The following STOX2 variants were observed in gnomAD, a reference collection of about 807,000 sequenced individuals.
STOX2 encodes storkhead-box protein 2.
STOX2 carries 28 observed loss-of-function variants against 60.9 expected under a neutral mutation model. The observed-to-expected ratio is 0.46, with a 90% CI of 0.34 to 0.63. STOX2 has a LOEUF of 0.63. Ranked by LOEUF, STOX2 falls within the 30% of genes least tolerant of loss-of-function variation. The pLI is 0.01. For synonymous variants in STOX2, 472 were observed against 463.9 expected (o/e 1.02, Z -0.22); for missense variants, 1,024 against 1,187.7 (o/e 0.86, Z 2.03).
chr4:183,809,261 GT>G (rs11308974), intron 1 of STOX2, among the ~76,000 whole-genome samples: 43,410 of 151,676 alleles, frequency 0.29, 7,375 homozygotes, highest in African/African-American at 0.48. Flanking sequence ...TTAAAATAAA[GT>G]TTTTTTTAGT....
chr4:183,877,790 C>T (rs750302290), intron 1 of STOX2, among the ~76,000 whole-genome samples: 4 of 152,158 alleles, frequency 2.6e-5, no homozygotes, highest in Admixed American at 6.5e-5. Flanking sequence ...AAGTGATTCT[C>T]GTGCCTCAGC....
chr4:183,936,439 A>C (rs1310959567), intron 1 of STOX2, among the ~76,000 whole-genome samples: 1 of 149,316 alleles, frequency 6.7e-6, no homozygotes, highest in African/African-American at 2.5e-5. Context: ...TCCGCAGTGG[A>C]TCATGAGTTT....
intron 1 of STOX2, among the ~76,000 whole-genome samples, chr4:183,839,017 G>A (rs750249062): frequency 2.5e-4 from 37 of 145,516 alleles, no homozygotes; most frequent in East Asian, 9.7e-4. Context: ...ACGTGCACGC[G>A]CGCGCGCACA....
rs373680695 is a variant in STOX2, at chr4:183,802,699, G to A, written c.364+4644G>A. On this transcript the variant is annotated intron_variant, in intron 1 of 2. Transcript: ENST00000513034. ...CGGCTCATTGCAAGCTCCGCCTCCC[G>A]GGTTCACGCCATTCTCCTGCCTCAG... Among the ~76,000 whole-genome samples, 176 of 151,846 alleles carry A rather than the reference G, an allele frequency of 1.2e-3. 1 individual carries two copies. Among genetic ancestry groups the A allele is most frequent in the African/African-American group, 4.2e-3 (173 of 41,388 alleles).
intron 1 of STOX2, among the ~76,000 whole-genome samples, chr4:183,934,591 T>C (rs1742535163): frequency 6.6e-6 from 1 of 152,202 alleles, no homozygotes; most frequent in Non-Finnish European, 1.5e-5. Flanking sequence ...AAAACAAATA[T>C]CCAGAATCTT....
At chr4:183,951,431 A>AGTCTCTCT (rs1377854321) in intron 1 of STOX2, among the ~76,000 whole-genome samples, 2 of 140,634 alleles carry the variant, frequency 1.4e-5, no homozygotes. Flanking sequence ...AGAGGACGAC[A>AGTCTCTCT]GTCTCTCTCT....
rs74557713 is a variant in STOX2, at chr4:183,948,864, C to G, written c.166+41908C>G. On this transcript the variant is annotated intron_variant, in intron 1 of 3. Transcript: ENST00000308497. ...TCTTAAAATCGCAATAATGAGACCT[C>G]ACTTACCAGGTTGCTATTATGATTA... Among the ~76,000 whole-genome samples the G allele has an allele frequency of 7.5e-3, 1,138 of 152,170 alleles. 13 individuals are homozygous for G. Among genetic ancestry groups the G allele is most frequent in the African/African-American group, 0.026 (1,069 of 41,534 alleles).
chr4:183,901,855 T>C (rs1741468692), upstream of STOX2, among the ~76,000 whole-genome samples: 1 of 152,188 alleles, frequency 6.6e-6, no homozygotes, highest in African/African-American at 2.4e-5. Flanking sequence ...AGATATATGC[T>C]TTATAAATAT....
intron 1 of STOX2, among the ~76,000 whole-genome samples, chr4:184,000,907 C>T (rs1579529777): frequency 6.6e-6 from 1 of 152,224 alleles, no homozygotes; most frequent in Admixed American, 6.5e-5. Flanking sequence ...CCCGTTCCCC[C>T]AGCAGACACG....
At chr4:183,997,233 T>C (rs1299700036) in intron 1 of STOX2, among the ~76,000 whole-genome samples, 1 of 152,098 alleles carries the variant, frequency 6.6e-6, no homozygotes, top group Non-Finnish European at 1.5e-5. Flanking sequence ...AATTGAGACC[T>C]AAAGCATGAA....
intron 1 of STOX2, among the ~76,000 whole-genome samples, chr4:183,807,199 C>T (rs546630437): frequency 4.4e-4 from 67 of 152,304 alleles, no homozygotes; most frequent in Non-Finnish European, 5.6e-4. Flanking sequence ...GTCTCGATCT[C>T]CTGACCTCGT....
chr4:183,822,367 T>C (rs1739321564), intron 1 of STOX2, among the ~76,000 whole-genome samples: 1 of 152,232 alleles, frequency 6.6e-6, no homozygotes, highest in Non-Finnish European at 1.5e-5. Flanking sequence ...TTGGGATGAC[T>C]CAAGCGCATG....
Position 184,001,513 on chromosome 4 carries a change from G to T in STOX2, c.319+36G>T, listed in dbSNP as rs762726073. On this transcript the variant is annotated intron_variant, in intron 2 of 3. Coordinates refer to ENST00000308497, the MANE Select transcript of STOX2 (RefSeq NM_020225.3). This position sits in a 1 kb window ranked among gnomAD's most constrained non-coding sequence, Gnocchi z 4.2. The stretch of plus-strand genomic sequence containing the variant: ...GGGAACGTAGCACTTTCCAGGTGGC[G>T]GTGTGCTGTGGTCGCTCTAGGACTC... The T allele has an allele frequency of 1.2e-6, 2 of 1,607,510 alleles. No homozygotes were observed. Among genetic ancestry groups the T allele is most frequent in the Admixed American group, 3.4e-5 (2 of 59,556 alleles).
At chr4:183,901,542 AG>A (rs1175743976), upstream of STOX2, among the ~76,000 whole-genome samples, 6 of 151,406 alleles carry the variant, frequency 4.0e-5, no homozygotes, top group Non-Finnish European at 7.4e-5. Flanking sequence ...CAGTGCACAA[AG>A]GTTCCAGTTT....
At chr4:183,942,336 GTTT>G (rs11295405) in intron 1 of STOX2, among the ~76,000 whole-genome samples, 2 of 130,576 alleles carry the variant, frequency 1.5e-5, no homozygotes, top group Non-Finnish European at 1.6e-5. Flanking sequence ...AGGCTTCTAG[GTTT>G]TTTTTTTTTT....
chr4:183,997,330 C>G (rs1733384540), intron 1 of STOX2, among the ~76,000 whole-genome samples: 2 of 152,216 alleles, frequency 1.3e-5, no homozygotes, highest in Admixed American at 6.5e-5. Flanking sequence ...AAATGCCTGA[C>G]ATGTTCAAAG....
At chr4:183,831,968 C>A (rs1055264570) in intron 1 of STOX2, among the ~76,000 whole-genome samples, 2 of 150,286 alleles carry the variant, frequency 1.3e-5, no homozygotes, top group Admixed American at 1.3e-4. Flanking sequence ...TTCTGCAGTT[C>A]ATTCATTTCT....
chr4:183,990,801 G>A (rs1579514446), intron 1 of STOX2, among the ~76,000 whole-genome samples: 1 of 151,798 alleles, frequency 6.6e-6, no homozygotes, highest in Non-Finnish European at 1.5e-5. Context: ...TGCCGTAAAG[G>A]ACAAATGAGC....
intron 1 of STOX2, among the ~76,000 whole-genome samples, chr4:183,982,672 T>C (rs1732698732): frequency 2.0e-5 from 3 of 152,234 alleles, no homozygotes; most frequent in Admixed American, 2.0e-4. Flanking sequence ...TTTCGATAGA[T>C]TCTGGGGAGG....
Sources: allele counts gnomAD v4.1 joint callset (sites outside exome capture counted in the v4.1 genomes callset), GRCh38; gene constraint gnomAD v4.1.1; non-coding constraint Gnocchi (gnomAD v3.1); transcripts MANE v1.5; gene names NCBI Gene and HGNC (gene_info 2026-07-23, HGNC 2026-07-21).